ABHD17C: variants seen among roughly 807,000 people sequenced by gnomAD.
The protein encoded by ABHD17C is abhydrolase domain containing 17C, depalmitoylase.
In ABHD17C, 11 loss-of-function variants were observed where a neutral mutation model predicts 27.9. That is an observed-to-expected ratio of 0.39 (90% CI 0.25 to 0.65). The LOEUF (loss-of-function observed/expected upper bound fraction) is 0.65, where lower values mean the gene tolerates loss of function less well. Ranked by LOEUF, ABHD17C falls within the 30% of genes least tolerant of loss-of-function variation. The pLI is 0.45. For missense variants in ABHD17C, 280 were observed against 470.2 expected (o/e 0.60, Z 3.74); for synonymous variants, 233 against 209.1 (o/e 1.11, Z -0.98).
At chr15:80,710,235 C>T (rs778708075) in intron 1 of ABHD17C, among the ~76,000 whole-genome samples, 9 of 151,874 alleles carry the variant, frequency 5.9e-5, no homozygotes, top group Admixed American at 5.2e-4. Flanking sequence ...AGGAAGCCAG[C>T]GGGGGGCTAG....
intron 1 of ABHD17C, among the ~76,000 whole-genome samples, chr15:80,737,801 G>A (rs1333419698): frequency 6.6e-6 from 1 of 152,108 alleles, no homozygotes; most frequent in East Asian, 1.9e-4. Context: ...GTGTTTATGA[G>A]CCAGTGAGGG....
chr15:80,700,744 T>G (rs1894560305), intron 1 of ABHD17C, among the ~76,000 whole-genome samples: 1 of 151,548 alleles, frequency 6.6e-6, no homozygotes, highest in African/African-American at 2.4e-5. Context: ...TACAAAAAAT[T>G]TTTAAAAGTA....
intron 1 of ABHD17C, among the ~76,000 whole-genome samples, chr15:80,744,930 T>C (rs1895262214): frequency 6.6e-6 from 1 of 152,228 alleles, no homozygotes; most frequent in African/African-American, 2.4e-5. Context: ...TTATGAGACA[T>C]CATTTTTAAT....
At chr15:80,743,161 T>C (rs1483677301) in intron 1 of ABHD17C, among the ~76,000 whole-genome samples, 1 of 152,158 alleles carries the variant, frequency 6.6e-6, no homozygotes, top group Non-Finnish European at 1.5e-5. Context: ...GAGGAGATTC[T>C]TCAAGTTCTG....
At chr15:80,713,547 C>G (rs149620474) in intron 1 of ABHD17C, among the ~76,000 whole-genome samples, 4,985 of 151,662 alleles carry the variant, frequency 0.033, 278 homozygotes, top group African/African-American at 0.12. Flanking sequence ...CAGTGGCTCA[C>G]GCCTGTAATC....
At chr15:80,712,671 T>C (rs182345044) in intron 1 of ABHD17C, among the ~76,000 whole-genome samples, 23 of 152,308 alleles carry the variant, frequency 1.5e-4, no homozygotes, top group African/African-American at 5.1e-4. Flanking sequence ...CATATGTGGA[T>C]TGACAGCCAG....
intron 1 of ABHD17C, among the ~76,000 whole-genome samples, chr15:80,736,204 A>G (rs1449271475): frequency 1.3e-5 from 2 of 152,248 alleles, no homozygotes; most frequent in Admixed American, 6.5e-5. Flanking sequence ...AACAACCAAT[A>G]GAAGTCTGTT....
intron 1 of ABHD17C, among the ~76,000 whole-genome samples, chr15:80,740,851 A>G (rs1267101769): frequency 6.6e-6 from 1 of 152,210 alleles, no homozygotes; most frequent in Non-Finnish European, 1.5e-5. Flanking sequence ...GAATATGTTT[A>G]GTCTCACTGG....
chr15:80,703,916 A>G (rs1368942651), intron 1 of ABHD17C, among the ~76,000 whole-genome samples: 3 of 152,232 alleles, frequency 2.0e-5, no homozygotes, highest in Non-Finnish European at 1.5e-5. Context: ...TATCTACAAT[A>G]AAGTTTAATT....
intron 1 of ABHD17C, among the ~76,000 whole-genome samples, chr15:80,746,371 C>T (rs1895283977): frequency 6.6e-6 from 1 of 151,736 alleles, no homozygotes. Flanking sequence ...GTGGCTTGTC[C>T]TTTCACTTTC....
intron 1 of ABHD17C, among the ~76,000 whole-genome samples, chr15:80,732,608 G>A (rs1235588496): frequency 1.3e-5 from 2 of 152,134 alleles, no homozygotes; most frequent in African/African-American, 4.8e-5. Context: ...TTGCAGAATG[G>A]AAAGTAGGAA....
At chr15:80,720,404 T>C (rs1244391509) in intron 1 of ABHD17C, among the ~76,000 whole-genome samples, 1 of 152,154 alleles carries the variant, frequency 6.6e-6, no homozygotes, top group African/African-American at 2.4e-5. Flanking sequence ...AGGTAAACTT[T>C]CTAGAAACCA....
chr15:80,721,606 G>A (rs555901332), intron 1 of ABHD17C, among the ~76,000 whole-genome samples: 53 of 152,280 alleles, frequency 3.5e-4, no homozygotes, highest in African/African-American at 1.2e-3. Context: ...CATTGTCATC[G>A]TCATCACAGG....
intron 1 of ABHD17C, among the ~76,000 whole-genome samples, chr15:80,698,424 A>C (rs1224526875): frequency 6.6e-6 from 1 of 152,170 alleles, no homozygotes; most frequent in Admixed American, 6.5e-5. Flanking sequence ...TTTATTTCCC[A>C]ACTCATGTAT....
At chr15:80,733,710 A>G (rs1046137941) in intron 1 of ABHD17C, among the ~76,000 whole-genome samples, 3 of 152,242 alleles carry the variant, frequency 2.0e-5, no homozygotes, top group Admixed American at 1.3e-4. Flanking sequence ...AGTGTCAAGC[A>G]GGCAAACTCA....
At chr15:80,724,143 G>A (rs921335176) in intron 1 of ABHD17C, among the ~76,000 whole-genome samples, 1 of 152,118 alleles carries the variant, frequency 6.6e-6, no homozygotes, top group East Asian at 1.9e-4. Context: ...TTCAAGACCA[G>A]CCTGGGCAAC....
intron 1 of ABHD17C, among the ~76,000 whole-genome samples, chr15:80,715,092 C>T (rs1442040374): frequency 6.6e-6 from 1 of 152,210 alleles, no homozygotes. Flanking sequence ...ACACAGTTTG[C>T]ATTTTAAAAG....
intron 1 of ABHD17C, among the ~76,000 whole-genome samples, chr15:80,737,577 A>G (rs1381012019): frequency 1.3e-5 from 2 of 152,332 alleles, no homozygotes; most frequent in Admixed American, 6.5e-5. Context: ...TGGAGCTTAC[A>G]TCGTCATTGT....
intron 1 of ABHD17C, among the ~76,000 whole-genome samples, chr15:80,706,461 G>A (rs971804411): frequency 2.0e-5 from 3 of 152,194 alleles, no homozygotes; most frequent in Admixed American, 6.5e-5. Context: ...AAAAACGAGC[G>A]TAGAGAACCG....
Sources: allele counts gnomAD v4.1 joint callset (sites outside exome capture counted in the v4.1 genomes callset), GRCh38; gene constraint gnomAD v4.1.1; transcripts MANE v1.5; gene names NCBI Gene and HGNC (gene_info 2026-07-23, HGNC 2026-07-21).